Variants in CSPP1 observed in about 807,000 individuals in gnomAD.
The protein encoded by CSPP1 is centrosome and spindle pole associated protein 1.
A neutral mutation model predicts 164.4 loss-of-function variants in CSPP1; 126 were observed. The observed-to-expected ratio is 0.77, with a 90% CI of 0.66 to 0.89. CSPP1 has a LOEUF of 0.89. Among genes scored for constraint, CSPP1 ranks in the 40% least tolerant of loss-of-function variants. The pLI, the probability that CSPP1 is intolerant of heterozygous loss-of-function variation, is 0.00. For missense variants in CSPP1, 1,395 were observed against 1,449.8 expected, an observed-to-expected ratio of 0.96 and a Z score of 0.61; for synonymous variants, 472 against 476.7, an observed-to-expected ratio of 0.99 and a Z score of 0.13.
chr8:67,141,169 A>G (rs904842357), intron 17 of CSPP1, among the ~76,000 whole-genome samples: 1 of 152,244 alleles, frequency 6.6e-6, no homozygotes, highest in African/African-American at 2.4e-5. Context: ...AGTTCAAACA[A>G]TACAATTATT....
chr8:67,093,671 CTA>C, intron 6 of CSPP1, 30 bp downstream of exon 6: 1 of 1,149,594 alleles, frequency 8.7e-7, no homozygotes, highest in Non-Finnish European at 1.3e-6. Flanking sequence ...TAAATCTGTA[CTA>C]CTACTACCAC....
At chr8:67,082,933 C>T (rs1402679396) in intron 3 of CSPP1, among the ~76,000 whole-genome samples, 1 of 152,160 alleles carries the variant, frequency 6.6e-6, no homozygotes, top group Non-Finnish European at 1.5e-5. Context: ...TCACCGTGTT[C>T]CTTAGCTCAT....
rs908633445 is a variant in CSPP1, at chr8:67,171,182, C to T, written c.2829-1234C>T. 2.0e-5 allele frequency among the ~76,000 whole-genome samples: 3 copies of T among 150,462 alleles called. 1 individual carries two copies. The highest frequency in any genetic ancestry group is 4.2e-4 in the South Asian group (2 of 4,760). Reference sequence around the variant, plus strand: ...TTGGGAGGCCGAGGTGAGCAGATCACGAGGTCAAGAGATAGAGACCGTCCT... The same window carrying T: ...TTGGGAGGCCGAGGTGAGCAGATCATGAGGTCAAGAGATAGAGACCGTCCT... On this transcript the variant is annotated intron_variant, in intron 24 of 30. Coordinates refer to ENST00000678616, the MANE Select transcript of CSPP1 (RefSeq NM_001382391.1).
chr8:67,079,762 T>A, intron 3 of CSPP1, among the ~76,000 whole-genome samples: 1 of 152,236 alleles, frequency 6.6e-6, no homozygotes, highest in Non-Finnish European at 1.5e-5. Flanking sequence ...TGTTCTCCTC[T>A]TGAAGAGTAG....
At chr8:67,065,554 A>C (rs1347358288) in intron 1 of CSPP1, 15 of 970,672 alleles carry the variant, frequency 1.5e-5, no homozygotes, top group Non-Finnish European at 1.8e-5. Context: ...TCTTTTCTCC[A>C]TATCATTCTT....
chr8:67,135,003 T>G (rs144880786), intron 16 of CSPP1: 54 of 152,342 alleles, frequency 3.5e-4, no homozygotes, highest in African/African-American at 1.2e-3. Context: ...CATTGACTTC[T>G]CTTTACTAGC....
At chr8:67,158,941 G>T in intron 20 of CSPP1, 50 bp from the exon 21 acceptor site, 1 of 1,415,270 alleles carries the variant, frequency 7.1e-7, no homozygotes, top group Non-Finnish European at 9.7e-7. Flanking sequence ...ATTTTTGAAT[G>T]TACTATAGAA....
intron 28 of CSPP1, among the ~76,000 whole-genome samples, chr8:67,181,246 C>T (rs967996583): frequency 2.0e-5 from 3 of 151,626 alleles, no homozygotes; most frequent in Non-Finnish European, 1.5e-5. Context: ...CTATGTTGCC[C>T]AGGCTGGTCT....
intron 9 of CSPP1, among the ~76,000 whole-genome samples, chr8:67,106,288 A>G (rs1447842741): frequency 6.6e-6 from 1 of 151,872 alleles, no homozygotes; most frequent in Non-Finnish European, 1.5e-5. Context: ...TATTAGTTTC[A>G]GTAATCTTTT....
At chr8:67,132,308 T>C (rs1223979077) in intron 16 of CSPP1, among the ~76,000 whole-genome samples, 1 of 152,166 alleles carries the variant, frequency 6.6e-6, no homozygotes, top group Non-Finnish European at 1.5e-5. Context: ...TTAAGCTGCA[T>C]GTTGTGCAAT....
Position 67,097,609 on chromosome 8 carries a change from A to G in CSPP1, c.923+1877A>G, listed in dbSNP as rs146573832. On this transcript the variant is annotated intron_variant, in intron 7 of 30. Coordinates refer to ENST00000678616, the MANE Select transcript of CSPP1 (RefSeq NM_001382391.1). ...GTACATGAGAACTTCTTTTCCCTTT[A>G]TGGTGTTTGTTTACGTTTAGGGTGA... is the stretch of plus-strand genomic sequence containing the variant. Among the ~76,000 whole-genome samples, 286 of 151,974 alleles carry G rather than the reference A, an allele frequency of 1.9e-3. 4 individuals carry two copies. The highest frequency in any genetic ancestry group is 6.6e-3 in the African/African-American group (275 of 41,482).
chr8:67,102,816 CAT>C (rs764390531), intron 7 of CSPP1, among the ~76,000 whole-genome samples: 3 of 152,148 alleles, frequency 2.0e-5, no homozygotes, highest in African/African-American at 4.8e-5. Context: ...ATTAAAATAA[CAT>C]AATCTTTTTA....
intron 1 of CSPP1, among the ~76,000 whole-genome samples, chr8:67,065,789 A>G (rs1805424843): frequency 6.6e-6 from 1 of 152,170 alleles, no homozygotes; most frequent in South Asian, 2.1e-4. Flanking sequence ...TCGGCTTCCC[A>G]AAGTGCTGGA....
intron 4 of CSPP1, among the ~76,000 whole-genome samples, chr8:67,087,239 A>G (rs1810600150): frequency 6.6e-6 from 1 of 152,208 alleles, no homozygotes; most frequent in Non-Finnish European, 1.5e-5. Flanking sequence ...TGTTGTGAGA[A>G]TTTGGATTAC....
chr8:67,107,983 G>GTTTTTTTTTTTTTTTTTTTTTTTT (rs34204898), intron 9 of CSPP1, among the ~76,000 whole-genome samples: 4 of 127,160 alleles, frequency 3.1e-5, no homozygotes, highest in African/African-American at 9.0e-5. Flanking sequence ...CTTTGACAAA[G>GTTTTTTTTTTTTTTTTTTTTTTTT]TTTTTTTTTT....
chr8:67,079,764 G>A (rs1361304739), intron 3 of CSPP1, among the ~76,000 whole-genome samples: 9 of 152,162 alleles, frequency 5.9e-5, no homozygotes. Flanking sequence ...TTCTCCTCTT[G>A]AAGAGTAGTT....
intron 16 of CSPP1, among the ~76,000 whole-genome samples, chr8:67,136,658 G>A (rs548104636): frequency 2.0e-5 from 3 of 150,774 alleles, no homozygotes; most frequent in Admixed American, 6.6e-5. Flanking sequence ...TGTATTTAAA[G>A]TTGCCAAGCA....
chr8:67,091,039 T>A (rs1811501924), intron 4 of CSPP1, among the ~76,000 whole-genome samples: 1 of 152,224 alleles, frequency 6.6e-6, no homozygotes, highest in Non-Finnish European at 1.5e-5. Context: ...ATTTTTTTTT[T>A]CCAGTTCTTT....
intron 28 of CSPP1, among the ~76,000 whole-genome samples, chr8:67,184,251 A>G (rs1563778753): frequency 6.6e-6 from 1 of 152,244 alleles, no homozygotes; most frequent in African/African-American, 2.4e-5. Flanking sequence ...AAGCTTCCAC[A>G]TAAGAAAATT....
Sources: allele counts gnomAD v4.1 joint callset (sites outside exome capture counted in the v4.1 genomes callset), GRCh38; gene constraint gnomAD v4.1.1; transcripts MANE v1.5; gene names NCBI Gene and HGNC (gene_info 2026-07-23, HGNC 2026-07-21).